Variants in GTF2H1 observed in about 807,000 individuals in gnomAD.
GTF2H1 encodes BTF2 p62.
GTF2H1 carries 16 observed loss-of-function variants against 71.2 expected under a neutral mutation model. That is an observed-to-expected ratio of 0.22 (90% confidence interval 0.15 to 0.34). GTF2H1 has a LOEUF of 0.34. Ranked by LOEUF, GTF2H1 falls within the 10% of genes least tolerant of loss-of-function variation. The pLI, the probability that GTF2H1 is intolerant of heterozygous loss-of-function variation, is 1.00. For missense variants in GTF2H1, 498 were observed against 648.2 expected (o/e 0.77, Z 2.52); for synonymous variants, 215 against 219.0 (o/e 0.98, Z 0.16).
At chr11:18,323,946 A>G (rs1258336477) in intron 1 of GTF2H1, among the ~76,000 whole-genome samples, 1 of 152,244 alleles carries the variant, frequency 6.6e-6, no homozygotes, top group African/African-American at 2.4e-5. Flanking sequence ...CCTTGGACTT[A>G]GAGAAGGACT....
chr11:18,330,599 T>C (rs1411390547), intron 1 of GTF2H1, among the ~76,000 whole-genome samples: 2 of 152,252 alleles, frequency 1.3e-5, no homozygotes, highest in Admixed American at 1.3e-4. Context: ...GAGGGCTATG[T>C]GTCCTGGACC....
At chr11:18,327,120 TTAAAA>T (rs769980509) in intron 1 of GTF2H1, among the ~76,000 whole-genome samples, 20 of 152,152 alleles carry the variant, frequency 1.3e-4, no homozygotes, top group East Asian at 5.8e-4. Flanking sequence ...AAAATGAATG[TTAAAA>T]TAAACTATTG....
intron 7 of GTF2H1, 65 bp downstream of exon 7, chr11:18,341,672 A>C: frequency 1.0e-6 from 1 of 989,156 alleles, no homozygotes; most frequent in Admixed American, 2.1e-5. Flanking sequence ...CATTGTCTTA[A>C]GCGTAGTAGA....
At chr11:18,332,652 A>T (rs1374785057) in intron 1 of GTF2H1, 1 of 153,276 alleles carries the variant, frequency 6.5e-6, no homozygotes, top group Non-Finnish European at 1.5e-5. Context: ...AAGTCCCCAC[A>T]TATCTTGCAG....
intron 9 of GTF2H1, among the ~76,000 whole-genome samples, chr11:18,349,497 G>T (rs1004099722): frequency 6.6e-6 from 1 of 152,066 alleles, no homozygotes; most frequent in Non-Finnish European, 1.5e-5. Flanking sequence ...AGCCTGGCCA[G>T]CATGGTGAAA....
chr11:18,357,195 CA>C, intron 11 of GTF2H1, among the ~76,000 whole-genome samples: 1 of 152,158 alleles, frequency 6.6e-6, no homozygotes, highest in African/African-American at 2.4e-5. Context: ...TGCTGTTTCA[CA>C]AATTATTTGT....
intron 10 of GTF2H1, 49 bp from the exon 11 acceptor site, chr11:18,352,280 A>G (rs755325001): frequency 2.4e-6 from 2 of 829,792 alleles, no homozygotes; most frequent in East Asian, 2.4e-5. Context: ...ACAAATGTTG[A>G]GCATCTTTAC....
intron 9 of GTF2H1, among the ~76,000 whole-genome samples, chr11:18,349,332 C>CT (rs1433151115): frequency 6.6e-6 from 1 of 152,082 alleles, no homozygotes; most frequent in African/African-American, 2.4e-5. Context: ...TTAAGTGATA[C>CT]TTTCTTTGTA....
intron 1 of GTF2H1, among the ~76,000 whole-genome samples, chr11:18,325,624 A>G (rs912253506): frequency 6.6e-6 from 1 of 152,220 alleles, no homozygotes; most frequent in African/African-American, 2.4e-5. Flanking sequence ...TGTAAGTGCC[A>G]TGAAGAAAAT....
intron 1 of GTF2H1, among the ~76,000 whole-genome samples, chr11:18,328,512 C>CAAA (rs34390516): frequency 2.1e-5 from 2 of 94,234 alleles, no homozygotes; most frequent in Non-Finnish European, 4.4e-5. Flanking sequence ...GACTCCATCT[C>CAAA]AAAAAAAAAA....
chr11:18,363,372 C>A (rs1228573289), intron 14 of GTF2H1, among the ~76,000 whole-genome samples: 1 of 152,048 alleles, frequency 6.6e-6, no homozygotes, highest in Admixed American at 6.6e-5. Flanking sequence ...TTAATAGGTT[C>A]GTTTACACCA....
At chr11:18,349,275 A>T (rs1005710006) in intron 9 of GTF2H1, among the ~76,000 whole-genome samples, 2 of 152,220 alleles carry the variant, frequency 1.3e-5, no homozygotes, top group Non-Finnish European at 2.9e-5. Flanking sequence ...TTTTTGAACT[A>T]AAGCAAAGCT....
intron 11 of GTF2H1, among the ~76,000 whole-genome samples, chr11:18,353,804 A>G (rs989873355): frequency 6.6e-6 from 1 of 152,234 alleles, no homozygotes; most frequent in Non-Finnish European, 1.5e-5. Context: ...AGAAGGTTAC[A>G]GGCATAATTT....
At chr11:18,333,294 A>G (rs2133958022) in intron 2 of GTF2H1, 66 bp downstream of exon 2, 1 of 1,162,612 alleles carries the variant, frequency 8.6e-7, no homozygotes, top group South Asian at 1.5e-5. Context: ...TTGTAAAGAG[A>G]TTATATAAAT....
rs1335002285 is a variant in GTF2H1, at chr11:18,360,691, A to G, written c.1544A>G (p.Gln515Arg). 2 of 1,556,040 alleles carry G rather than the reference A, an allele frequency of 1.3e-6. No individual in the cohort carries two copies. The highest frequency in any genetic ancestry group is 8.7e-7 in the Non-Finnish European group (1 of 1,148,718). The part of the protein sequence containing the change: ...LCPFQEKIRR[Q>R]YLSTNLVSHI... ...CCATTCCAAGAAAAGATTCGGAGAC[A>G]GTATTTAAGCACAAATGTAAGGCAG... is the stretch of plus-strand genomic sequence containing the variant. Residue 515 changes from glutamine (Q) to arginine (R), a missense_variant, in exon 14 of 15, where the codon CAG becomes CGG. Gln to Arg is a conservative substitution (Grantham distance 43, BLOSUM62 1). This residue lies in a region of GTF2H1 where 266 missense variants were observed against 301.6 expected (regional missense o/e 0.88). Transcript: ENST00000265963.
intron 1 of GTF2H1, among the ~76,000 whole-genome samples, chr11:18,328,405 G>T (rs1368390211): frequency 1.3e-5 from 2 of 150,734 alleles, no homozygotes; most frequent in Non-Finnish European, 3.0e-5. Context: ...CCAGCTACTT[G>T]GGGGGCTGAG....
intron 1 of GTF2H1, among the ~76,000 whole-genome samples, chr11:18,323,259 C>G (rs1292547257): frequency 1.3e-5 from 2 of 152,080 alleles, no homozygotes; most frequent in Non-Finnish European, 2.9e-5. Context: ...GTAAATCCCC[C>G]AGTGTTCTCA....
intron 4 of GTF2H1, 47 bp from the exon 5 acceptor site, chr11:18,339,517 C>T (rs1051373611): frequency 3.0e-6 from 4 of 1,349,448 alleles, no homozygotes; most frequent in Non-Finnish European, 4.2e-6. Flanking sequence ...CCTGAGCCAT[C>T]TTTCCCTGAT....
intron 14 of GTF2H1, among the ~76,000 whole-genome samples, chr11:18,361,772 G>A (rs1323596981): frequency 6.6e-6 from 1 of 152,212 alleles, no homozygotes; most frequent in African/African-American, 2.4e-5. Flanking sequence ...CGTAAGGAAA[G>A]ATAGAATTGC....
Sources: gnomAD v4.1 joint callset for allele counts (sites outside exome capture counted in the v4.1 genomes callset) on GRCh38, gnomAD v4.1.1 for gene constraint, gnomAD v4.1.1 regional missense constraint, MANE v1.5 for transcripts, NCBI Gene and HGNC (gene_info 2026-07-23, HGNC 2026-07-21) for gene names.